The following EVX1 variants were observed in gnomAD, a reference collection of about 807,000 sequenced individuals.
EVX1 encodes the protein even-skipped homeobox 1, also known as homeobox even-skipped homolog protein 1.
Under a neutral mutation model 28.6 loss-of-function variants are expected in EVX1, and 19 were observed. The observed-to-expected ratio is 0.67, with a 90% CI of 0.46 to 0.98. The LOEUF (loss-of-function observed/expected upper bound fraction) is 0.98. Among genes scored for constraint, EVX1 ranks in the 50% least tolerant of loss-of-function variants. The pLI, the probability that EVX1 is intolerant of heterozygous loss-of-function variation, is 0.00. For synonymous variants in EVX1, 324 were observed against 278.2 expected, an observed-to-expected ratio of 1.16 and a Z score of -1.64; for missense variants, 660 against 583.0, an observed-to-expected ratio of 1.13 and a Z score of -1.36.
chr7:27,245,825 T>A, intron 2 of EVX1, 61 bp from the exon 3 acceptor site: 3 of 1,569,930 alleles, frequency 1.9e-6, no homozygotes, highest in Non-Finnish European at 2.6e-6. Context: ...GGGACCAGAC[T>A]ACTGGCCTCT....
At chr7:27,244,269 G>C (rs1016297394) in intron 1 of EVX1, among the ~76,000 whole-genome samples, 17 of 152,140 alleles carry the variant, frequency 1.1e-4, no homozygotes, top group African/African-American at 4.1e-4. Flanking sequence ...TCCCCAGAAG[G>C]GGGTAGAAAA....
rs537546237 is a variant in EVX1, at chr7:27,246,704, G to C, written c.*279G>C. On this transcript the variant is annotated 3_prime_UTR_variant, in exon 3 of 3. Coordinates refer to ENST00000496902, the MANE Select transcript of EVX1 (RefSeq NM_001989.5). ...CTCCGGACCCACCGCCCCCCACCAG[G>C]GTCGAGGCTGTAGCTCCAAAGCTAA... 4.5e-5 allele frequency: 22 copies of C among 486,832 alleles called. No homozygotes were observed. The highest frequency in any genetic ancestry group is 2.9e-4 in the African/African-American group (14 of 48,566). The allele number at this position is 486,832 out of a possible 1,614,324, so 30.2% of individuals were successfully genotyped here.
Position 27,246,095 on chromosome 7 carries a change from G to T in EVX1, c.894G>T (p.Ser298=), listed in dbSNP as rs766527733. 2.1e-5 allele frequency: 32 copies of T among 1,560,156 alleles called. No homozygotes were observed. The highest frequency in any genetic ancestry group is 2.7e-5 in the Non-Finnish European group (31 of 1,162,108). The change falls in exon 3 of 3, where the codon TCG becomes TCT. Residue 298 remains serine (S), a synonymous_variant. Coordinates refer to ENST00000496902, the MANE Select transcript of EVX1 (RefSeq NM_001989.5). ...CATCCGCCGCCTCCGCCGCCGCCTC[G>T]CCCTTCAGCGGCTCGCTGCGCCCGC... ...GAASAASAAA[S]PFSGSLRPLD...
chr7:27,245,664 C>A (rs1003667529), intron 2 of EVX1, among the ~76,000 whole-genome samples: 3 of 152,136 alleles, frequency 2.0e-5, no homozygotes, highest in Non-Finnish European at 2.9e-5. Context: ...GGCCTGGCCA[C>A]CTGGGCAGAA....
chr7:27,243,587 T>G, intron 1 of EVX1, 130 bp downstream of exon 1: 2 of 963,764 alleles, frequency 2.1e-6, no homozygotes, highest in Non-Finnish European at 2.9e-6. Context: ...AGCAACTCTC[T>G]CTGCTATCTG....
At chr7:27,244,630 ACT>A (rs1783120213) in intron 1 of EVX1, 1 of 383,986 alleles carries the variant, frequency 2.6e-6, no homozygotes, top group Non-Finnish European at 3.8e-6. Context: ...GAGCAAGGAA[ACT>A]CTCTGAATGC....
In EVX1 at chr7:27,243,132, G is replaced by A; in HGVS notation, c.102G>A (p.Pro34=). Residue 34 remains proline (P), a synonymous_variant, in exon 1 of 3, where the codon CCG becomes CCA. Coordinates refer to ENST00000496902, the MANE Select transcript of EVX1 (RefSeq NM_001989.5). ...VSNLSEAVGS[P]LPEPPEKMVP... is the part of the protein sequence containing the mutation. ...ATTTGTCCGAAGCCGTGGGCAGCCC[G>A]CTGCCGGAGCCGCCCGAGAAAATGG... The A allele has an allele frequency of 6.2e-7, 1 of 1,607,970 alleles. No individual in the cohort carries two copies. The highest frequency in any genetic ancestry group is 8.5e-7 in the Non-Finnish European group (1 of 1,177,334).
chr7:27,245,184 C>T lies in EVX1; in HGVS notation c.564C>T (p.Thr188=), dbSNP rs1176573656. 8 of 1,613,576 alleles carry T rather than the reference C, an allele frequency of 5.0e-6. No homozygotes were observed. Among genetic ancestry groups the T allele is most frequent in the South Asian group, 1.1e-5 (1 of 91,086 alleles). The change falls in exon 2 of 3, where the codon ACC becomes ACT. Residue 188 remains threonine, a synonymous_variant. Coordinates refer to ENST00000496902, the MANE Select transcript of EVX1 (RefSeq NM_001989.5). ...GTGACCAGATGCGTCGTTACCGCAC[C>T]GCCTTCACCCGAGAGCAGATTGCGC... ...SASDQMRRYR[T]AFTREQIARL...
Position 27,243,213 on chromosome 7 carries a change from CG to C in EVX1, c.188del (p.Gly63GlufsTer8). 6.4e-7 allele frequency: 1 copy of C among 1,553,352 alleles called. No individual in the cohort carries two copies. On this transcript the variant is annotated frameshift_variant, in exon 1 of 3. Coordinates refer to ENST00000496902, the MANE Select transcript of EVX1 (RefSeq NM_001989.5). LOFTEE classifies it high-confidence loss of function. Reference protein sequence around the residue: ...AVPPATRERGGGGPEEEPVDG... With the variant: ...AVPPATRERGXGGPEEEPVDG... ...TCCCTCCGGCCACCCGGGAGCGCGGCGGGGGAGGCCCGGAGGAGGAGCCGGT... is the reference window on the plus strand; with the variant it reads ...TCCCTCCGGCCACCCGGGAGCGCGGCGGGGAGGCCCGGAGGAGGAGCCGGT...
Position 27,246,084 on chromosome 7 carries a change from G to T in EVX1, c.883G>T (p.Ala295Ser). The T allele has an allele frequency of 6.4e-7, 1 of 1,570,538 alleles. No homozygotes were observed. The highest frequency in any genetic ancestry group is 8.6e-7 in the Non-Finnish European group (1 of 1,167,268). The change falls in exon 3 of 3, where the codon GCC (alanine) becomes TCC (serine). Residue 295 changes from alanine to serine, a missense_variant. Around this residue, in one of 3 missense-constraint regions of EVX1, gnomAD observed 299 missense variants for 241.3 expected, o/e 1.24. Transcript: ENST00000496902. ...VGLGAASAAS[A>S]AASPFSGSLR... is the part of the protein sequence containing the mutation. Reference sequence around the variant, plus strand: ...CCTGGGCGCCGCATCCGCCGCCTCCGCCGCCGCCTCGCCCTTCAGCGGCTC... The same window carrying T: ...CCTGGGCGCCGCATCCGCCGCCTCCTCCGCCGCCTCGCCCTTCAGCGGCTC...
chr7:27,245,825 T>G, intron 2 of EVX1, 61 bp from the exon 3 acceptor site: 14 of 1,569,930 alleles, frequency 8.9e-6, no homozygotes, highest in Non-Finnish European at 1.2e-5. Context: ...GGGACCAGAC[T>G]ACTGGCCTCT....
rs538473601 is a variant in EVX1 at position 27,245,111 on chromosome 7, G to A, written c.491G>A (p.Gly164Asp). ...NGGSETPKSNGGSGGGGSQGT... is the reference protein window; with the variant it reads ...NGGSETPKSNDGSGGGGSQGT... ...GGGAGCGAGACCCCCAAGAGCAACG[G>A]CGGCAGTGGTGGGGGCGGCTCGCAA... Residue 164 changes from glycine to aspartate, a missense_variant, in exon 2 of 3, where the codon GGC becomes GAC. This residue lies in a region of EVX1 where 308 missense variants were observed against 256.6 expected (regional missense o/e 1.20). Transcript: ENST00000496902. The A allele has an allele frequency of 1.7e-5, 27 of 1,613,194 alleles. No homozygotes were observed. The Admixed American group carries it at 3.0e-4, about 18-fold the overall frequency.
Position 27,246,574 on chromosome 7 carries a change from G to T in EVX1, c.*149G>T. On this transcript the variant is annotated 3_prime_UTR_variant, in exon 3 of 3. Coordinates refer to ENST00000496902, the MANE Select transcript of EVX1 (RefSeq NM_001989.5). ...GGGCGGAAAAGGACCAGCGGGATCC[G>T]GCCGCAAGAATTGGAAAGCCTAGGA... The T allele has an allele frequency of 1.2e-6, 1 of 847,430 alleles. No individual in the cohort carries two copies. The highest frequency in any genetic ancestry group is 1.8e-6 in the Non-Finnish European group (1 of 569,598). The allele number at this position is 847,430 out of a possible 1,614,324, so 52.5% of individuals were successfully genotyped here.
chr7:27,246,025 C>G lies in EVX1; in HGVS notation c.824C>G (p.Ser275Trp), dbSNP rs886698183. ...AAGGLPYPFP[S>W]HLPLPYYSPV... ...GGCGGCCTGCCCTACCCCTTCCCAT[C>G]GCACCTGCCCCTGCCCTACTACTCG... The change falls in exon 3 of 3, where the codon TCG becomes TGG. Residue 275 changes from serine to tryptophan, a missense_variant. Physicochemically the swap from Ser to Trp is radical, Grantham distance 177. Coordinates refer to ENST00000496902, the MANE Select transcript of EVX1 (RefSeq NM_001989.5). 3.8e-6 allele frequency: 6 copies of G among 1,596,366 alleles called. No homozygotes were observed. Among genetic ancestry groups the G allele is most frequent in the Admixed American group, 3.3e-5 (2 of 59,872 alleles).
Position 27,244,381 on chromosome 7 carries a change from GA to G in EVX1, c.428-664del, listed in dbSNP as rs994829428. 26 of 488,960 alleles carry G rather than the reference GA, an allele frequency of 5.3e-5. No homozygotes were observed. In the Middle Eastern group the frequency reaches 1.2e-3, roughly 22 times the overall value. 30.3% of individuals were successfully genotyped at this position (488,960 alleles called of 1,614,324 possible). A position where few individuals can be genotyped will look rare whatever the true frequency, so the allele number is the denominator to read the frequency against. On this transcript the variant is annotated intron_variant, in intron 1 of 2. Transcript: ENST00000496902. The stretch of plus-strand genomic sequence containing the variant: ...GGAAAGAGCCTGGGGGCGGGGGGGA[GA>G]AAGACCACCCCCTGGTCTTGGCAGC...
rs761838789 is a variant in EVX1, at chr7:27,243,368, C to G, written c.338C>G (p.Ser113Trp). 6.2e-7 allele frequency: 1 copy of G among 1,611,302 alleles called. No individual in the cohort carries two copies. The highest frequency in any genetic ancestry group is 1.1e-5 in the South Asian group (1 of 90,844). ...TCCGGACAGGGGCAACCCAGTAGCT[C>G]GGACACCGAGTCGGATTTCTATGAA... is the stretch of plus-strand genomic sequence containing the variant. ...SLSGQGQPSS[S>W]DTESDFYEEI... Residue 113 changes from serine (S) to tryptophan (W), a missense_variant, in exon 1 of 3, where the codon TCG becomes TGG. Physicochemically the swap from Ser to Trp is radical, Grantham distance 177. Transcript: ENST00000496902.
At position 27,243,169 on chromosome 7, in the gene EVX1, T is replaced by A. The variant is rs577545670; in HGVS notation, c.139T>A (p.Cys47Ser). The A allele has an allele frequency of 6.3e-7, 1 of 1,585,358 alleles. No homozygotes were observed. Among genetic ancestry groups the A allele is most frequent in the Non-Finnish European group, 8.6e-7 (1 of 1,165,708 alleles). ...GCCCGAGAAAATGGTGCCCCGTGGTTGCCTGAGCCCTCGGGCCGTCCCTCC... is the reference window on the plus strand; with the variant it reads ...GCCCGAGAAAATGGTGCCCCGTGGTAGCCTGAGCCCTCGGGCCGTCCCTCC... ...EPPEKMVPRG[C>S]LSPRAVPPAT... The change falls in exon 1 of 3, where the codon TGC (cysteine) becomes AGC (serine). Residue 47 changes from cysteine (C) to serine (S), a missense_variant. Cys to Ser is a moderately radical substitution (Grantham distance 112). Around this residue, in one of 3 missense-constraint regions of EVX1, gnomAD observed 308 missense variants for 256.6 expected, o/e 1.20. Transcript: ENST00000496902.
In EVX1 at chr7:27,246,191, G is replaced by C. The variant is rs1483542964; in HGVS notation, c.990G>C (p.Pro330=). 6.7e-7 allele frequency: 1 copy of C among 1,494,906 alleles called. No homozygotes were observed. Among genetic ancestry groups the C allele is most frequent in the South Asian group, 1.3e-5 (1 of 79,210 alleles). 92.6% of individuals were successfully genotyped at this position (1,494,906 alleles called of 1,614,324 possible). A position where few individuals can be genotyped will look rare whatever the true frequency, so the allele number is the denominator to read the frequency against. The change falls in exon 3 of 3, where the codon CCG becomes CCC. Residue 330 remains proline (P), a synonymous_variant. Coordinates refer to ENST00000496902, the MANE Select transcript of EVX1 (RefSeq NM_001989.5). ...TGCTGTGCGCCTTCCGCCACCCGCC[G>C]CTCTACCCCGGGCCCGCGCACGGAC... ...PELLCAFRHP[P]LYPGPAHGLG...
intron 1 of EVX1, 69 bp from the exon 2 acceptor site, chr7:27,244,979 A>G (rs548196488): frequency 1.3e-4 from 209 of 1,555,390 alleles, no homozygotes; most frequent in Non-Finnish European, 1.7e-4. Context: ...CCTTAGGCCT[A>G]CAGCCCCACT....
Sources: allele counts gnomAD v4.1 joint callset (sites outside exome capture counted in the v4.1 genomes callset), GRCh38; gene constraint gnomAD v4.1.1; regional missense constraint gnomAD v4.1.1; transcripts MANE v1.5; gene names NCBI Gene and HGNC (gene_info 2026-07-23, HGNC 2026-07-21).